Variants in RELN observed in about 807,000 individuals in gnomAD.
RELN encodes reelin.
In RELN, 108 loss-of-function variants were observed where a neutral mutation model predicts 427.6. The observed-to-expected ratio is 0.25, with a 90% CI of 0.22 to 0.30. RELN has a LOEUF of 0.30. Among genes scored for constraint, RELN ranks in the 10% least tolerant of loss-of-function variants. The probability of loss-of-function intolerance (pLI) is 1.00; values close to 1 mark genes in which losing one functional copy is unlikely to be tolerated. For synonymous variants in RELN, 1,524 were observed against 1,513.4 expected (o/e 1.01, Z -0.16); for missense variants, 3,715 against 4,302.8 (o/e 0.86, Z 3.82).
Position 103,759,990 on chromosome 7 carries a change from C to CTT in RELN, c.545-6778_545-6777dup, listed in dbSNP as rs57019839. Among the ~76,000 whole-genome samples, 105 of 64,904 alleles carry CTT rather than the reference C, an allele frequency of 1.6e-3. 2 individuals are homozygous for CTT. The highest frequency in any genetic ancestry group is 2.7e-3 in the East Asian group (7 of 2,564). The allele number at this position is 64,904 out of a possible 152,430, so 42.6% of individuals were successfully genotyped here. A position where few individuals can be genotyped will look rare whatever the true frequency, so the allele number is the denominator to read the frequency against. On this transcript the variant is annotated intron_variant, in intron 4 of 64. Transcript: ENST00000428762. The stretch of plus-strand genomic sequence containing the variant: ...TCGGTCATTGGTGCTCACAGTCATA[C>CTT]TTTTTTTTTTTTTTTTTTTTTTTTT...
chr7:103,657,205 A>G (rs751259212), intron 12 of RELN, among the ~76,000 whole-genome samples: 7 of 152,028 alleles, frequency 4.6e-5, no homozygotes, highest in Non-Finnish European at 1.0e-4. Flanking sequence ...TGTGGAGAAA[A>G]ATCTTATGAT....
intron 50 of RELN, chr7:103,512,908 A>G (rs1372240046): frequency 1.3e-5 from 2 of 152,202 alleles, no homozygotes; most frequent in African/African-American, 4.8e-5. Flanking sequence ...CCAGATAACT[A>G]TAATTCAGCC....
chr7:103,759,990 C>CT (rs57019839), intron 4 of RELN, among the ~76,000 whole-genome samples: 1,025 of 64,776 alleles, frequency 0.016, 21 homozygotes, highest in Non-Finnish European at 0.022. Context: ...CACAGTCATA[C>CT]TTTTTTTTTT....
intron 49 of RELN, among the ~76,000 whole-genome samples, chr7:103,518,977 G>C (rs940251569): frequency 3.3e-5 from 5 of 152,168 alleles, no homozygotes; most frequent in Middle Eastern, 3.4e-3. Flanking sequence ...TAAAAACAGA[G>C]TGTACACTAT....
In RELN at chr7:103,640,218, T is replaced by C. The variant is rs1437334558; in HGVS notation, c.2069+325A>G. ...TTACAAAGCATGCTAGGAATTACAA[T>C]GTGACTCATGAACACCCGAACAAGT... On this transcript the variant is annotated intron_variant, in intron 17 of 64. Coordinates refer to ENST00000428762, the MANE Select transcript of RELN (RefSeq NM_005045.4). This position sits in a 1 kb window ranked among gnomAD's most constrained non-coding sequence, Gnocchi z 4.1. Among the ~76,000 whole-genome samples the C allele has an allele frequency of 2.0e-5, 3 of 152,250 alleles. No homozygotes were observed. Among genetic ancestry groups the C allele is most frequent in the Non-Finnish European group, 2.9e-5 (2 of 68,026 alleles).
rs1010437167 is a variant in RELN at position 103,670,793 on chromosome 7, T to C, written c.1290-9266A>G. Among the ~76,000 whole-genome samples, 7 of 152,192 alleles carry C rather than the reference T, an allele frequency of 4.6e-5. No individual in the cohort carries two copies. In the East Asian group the frequency reaches 9.6e-4, roughly 21 times the overall value. On this transcript the variant is annotated intron_variant, in intron 11 of 64. Transcript: ENST00000428762. Reference sequence around the variant, plus strand: ...AATATGAACATAGGAATTAGAGATATAATATCTTAGCCAGATCCTTTCCCT... The same window carrying C: ...AATATGAACATAGGAATTAGAGATACAATATCTTAGCCAGATCCTTTCCCT...
chr7:103,532,673 C>A, intron 46 of RELN, among the ~76,000 whole-genome samples: 1 of 152,124 alleles, frequency 6.6e-6, no homozygotes, highest in East Asian at 1.9e-4. Context: ...TACACCTGTC[C>A]CCTCCTACAA....
At chr7:103,856,569 CAAA>C (rs34695080) in intron 2 of RELN, among the ~76,000 whole-genome samples, 89 of 80,376 alleles carry the variant, frequency 1.1e-3, no homozygotes, top group Non-Finnish European at 1.8e-3. Context: ...AACTCCACCT[CAAA>C]AAAAAAAAAA....
intron 4 of RELN, among the ~76,000 whole-genome samples, chr7:103,775,585 T>C (rs983551646): frequency 2.1e-4 from 32 of 152,304 alleles, no homozygotes; most frequent in Admixed American, 1.8e-3. Context: ...AATTCAGTAA[T>C]ATAATTCTAA....
chr7:103,745,060 A>G (rs1192801822), intron 6 of RELN, among the ~76,000 whole-genome samples: 1 of 152,232 alleles, frequency 6.6e-6, no homozygotes, highest in African/African-American at 2.4e-5. Context: ...CGAAAAGCTT[A>G]TCCACCATGA....
At chr7:103,983,893 G>GTGTGTGTA (rs1797044192) in intron 1 of RELN, among the ~76,000 whole-genome samples, 1 of 139,592 alleles carries the variant, frequency 7.2e-6, no homozygotes, top group Non-Finnish European at 1.6e-5. Flanking sequence ...GTGTGTGTGT[G>GTGTGTGTA]TGTATGTCTT....
At chr7:103,934,625 T>TA (rs1337770629) in intron 1 of RELN, among the ~76,000 whole-genome samples, 1 of 152,186 alleles carries the variant, frequency 6.6e-6, no homozygotes, top group Non-Finnish European at 1.5e-5. Context: ...CCCACACTGA[T>TA]AGACAATGAA....
At position 103,630,854 on chromosome 7, in the gene RELN, T is replaced by TTGTTTTG. The variant is rs1175171260; in HGVS notation, c.2466-679_2466-678insCAAAACA. ...GAAAGGGCTGAGTTATTTTTTTGTTTTTTTTGTTTTTTTTTTTTTTGTTTT... is the reference window on the plus strand; with the variant it reads ...GAAAGGGCTGAGTTATTTTTTTGTTTTGTTTTGTTTTTGTTTTTTTTTTTTTTGTTTT... On this transcript the variant is annotated intron_variant, in intron 19 of 64. Transcript: ENST00000428762. Among the ~76,000 whole-genome samples the TTGTTTTG allele has an allele frequency of 3.5e-3, 384 of 109,450 alleles. 6 individuals carry two copies. The East Asian group carries it at 0.036, about 10-fold the overall frequency. The allele number at this position is 109,450 out of a possible 152,430, so 71.8% of individuals were successfully genotyped here.
intron 17 of RELN, among the ~76,000 whole-genome samples, chr7:103,638,014 AG>A (rs1404365058): frequency 6.6e-6 from 1 of 152,150 alleles, no homozygotes; most frequent in Non-Finnish European, 1.5e-5. Context: ...TTTTAATCAA[AG>A]GTTATTCAGT....
At chr7:103,765,555 G>A (rs1461664868) in intron 4 of RELN, among the ~76,000 whole-genome samples, 4 of 152,022 alleles carry the variant, frequency 2.6e-5, no homozygotes, top group African/African-American at 4.8e-5. Flanking sequence ...ATTTTCACAC[G>A]TACATTAAAA....
chr7:103,537,374 G>A (rs362738), intron 45 of RELN, among the ~76,000 whole-genome samples: 97,637 of 151,474 alleles, frequency 0.64, 32,034 homozygotes, highest in Middle Eastern at 0.74. Context: ...GCTAATCTTC[G>A]TGAAATACAT....
intron 1 of RELN, among the ~76,000 whole-genome samples, chr7:103,949,459 C>G (rs1274011893): frequency 6.6e-6 from 1 of 151,888 alleles, no homozygotes; most frequent in East Asian, 1.9e-4. Context: ...AGGTCATAAA[C>G]GAGGAGCCCT....
chr7:103,774,787 C>G (rs1438629991), intron 4 of RELN, among the ~76,000 whole-genome samples: 1 of 152,104 alleles, frequency 6.6e-6, no homozygotes, highest in Non-Finnish European at 1.5e-5. Flanking sequence ...TTATTTTTCA[C>G]TTTATCTTGG....
chr7:103,967,479 A>T (rs1796682669), intron 1 of RELN, among the ~76,000 whole-genome samples: 2 of 152,156 alleles, frequency 1.3e-5, no homozygotes, highest in Admixed American at 6.5e-5. Context: ...TCATCCCCAG[A>T]TGGAGCAGGC....
Sources: allele counts gnomAD v4.1 joint callset (sites outside exome capture counted in the v4.1 genomes callset), GRCh38; gene constraint gnomAD v4.1.1; non-coding constraint Gnocchi (gnomAD v3.1); transcripts MANE v1.5; gene names NCBI Gene and HGNC (gene_info 2026-07-23, HGNC 2026-07-21).